PRKRIP1: variants seen among roughly 807,000 people sequenced by gnomAD.
The protein encoded by PRKRIP1 is PRKR interacting protein 1.
PRKRIP1 carries 29 observed loss-of-function variants against 29.3 expected under a neutral mutation model. That is an observed-to-expected ratio of 0.99 (90% CI 0.74 to 1.35). The LOEUF is 1.35. Among genes scored for constraint, PRKRIP1 ranks in the 40% most tolerant of loss-of-function variants. PRKRIP1 has a pLI of 0.00. For synonymous variants in PRKRIP1, 90 were observed against 85.1 expected, an observed-to-expected ratio of 1.06 and a Z score of -0.32; for missense variants, 247 against 236.8, an observed-to-expected ratio of 1.04 and a Z score of -0.28.
Position 102,416,814 on chromosome 7 carries a change from C to T in PRKRIP1, c.458-8200C>T, listed in dbSNP as rs118069827. Among the ~76,000 whole-genome samples, 117 of 151,536 alleles carry T rather than the reference C, an allele frequency of 7.7e-4. 1 individual carries two copies. In the East Asian group the frequency reaches 0.019, roughly 24 times the overall value. On this transcript the variant is annotated intron_variant, in intron 5 of 5. Transcript: ENST00000397912. ...CCTTCCTCAGCCTCCTGAGTAGCTG[C>T]AACTACAGATGCGCACCTCCACACC...
chr7:102,425,484 A>T lies in PRKRIP1; in HGVS notation c.*373A>T. 3.2e-6 allele frequency: 1 copy of T among 309,322 alleles called. No homozygotes were observed. Among genetic ancestry groups the T allele is most frequent in the Admixed American group, 5.1e-5 (1 of 19,580 alleles). 19.2% of individuals were successfully genotyped at this position (309,322 alleles called of 1,614,324 possible). A position where few individuals can be genotyped will look rare whatever the true frequency, so the allele number is the denominator to read the frequency against. ...GGGACATGTGGACCGTGAGTCGCAA[A>T]CACTCTGGAGAAGGCTGAGATGCCA... On this transcript the variant is annotated 3_prime_UTR_variant, in exon 6 of 6. Transcript: ENST00000397912.
intron 1 of PRKRIP1, 152 bp downstream of exon 1, chr7:102,396,689 AAGG>A: frequency 1.3e-6 from 1 of 778,752 alleles, no homozygotes; most frequent in South Asian, 1.9e-5. Flanking sequence ...GGAGGAGGAG[AAGG>A]AGGCTGTCCC....
At chr7:102,409,336 T>C (rs768432659) in intron 5 of PRKRIP1, among the ~76,000 whole-genome samples, 1 of 152,148 alleles carries the variant, frequency 6.6e-6, no homozygotes. Context: ...TAGGACCTCA[T>C]CTCTCAAATA....
chr7:102,403,164 C>T (rs1259914724), intron 3 of PRKRIP1, among the ~76,000 whole-genome samples: 8 of 152,122 alleles, frequency 5.3e-5, no homozygotes, highest in African/African-American at 1.7e-4. Flanking sequence ...AGTGAGCCAC[C>T]GCACCCGGAC....
At chr7:102,412,050 T>C (rs1796399687) in intron 5 of PRKRIP1, among the ~76,000 whole-genome samples, 1 of 151,812 alleles carries the variant, frequency 6.6e-6, no homozygotes, top group Non-Finnish European at 1.5e-5. Context: ...GCCCGGCTGA[T>C]TTTTGTGTTT....
intron 5 of PRKRIP1, among the ~76,000 whole-genome samples, chr7:102,419,424 A>G (rs1168516504): frequency 6.6e-6 from 1 of 152,130 alleles, no homozygotes; most frequent in Non-Finnish European, 1.5e-5. Context: ...AAAAAAAAAT[A>G]GCATAATTAA....
chr7:102,414,423 A>C (rs1167661753), intron 5 of PRKRIP1, among the ~76,000 whole-genome samples: 1 of 152,154 alleles, frequency 6.6e-6, no homozygotes, highest in Non-Finnish European at 1.5e-5. Flanking sequence ...TGCTTAATGA[A>C]GCAATTCCTT....
At chr7:102,421,828 A>T (rs1424089417) in intron 5 of PRKRIP1, among the ~76,000 whole-genome samples, 1 of 151,546 alleles carries the variant, frequency 6.6e-6, no homozygotes, top group Non-Finnish European at 1.5e-5. Context: ...GTAACCCTTT[A>T]ATCCAAACAC....
At chr7:102,418,884 C>T (rs549314490) in intron 5 of PRKRIP1, among the ~76,000 whole-genome samples, 2 of 151,804 alleles carry the variant, frequency 1.3e-5, no homozygotes, top group African/African-American at 2.4e-5. Flanking sequence ...AAATTTGAGA[C>T]GATGTTACAT....
chr7:102,414,984 G>A (rs1249877474), intron 5 of PRKRIP1, among the ~76,000 whole-genome samples: 1 of 152,130 alleles, frequency 6.6e-6, no homozygotes, highest in East Asian at 1.9e-4. Context: ...GAAATATATT[G>A]CAGGTTACTT....
chr7:102,416,099 G>GC (rs1796529105), intron 5 of PRKRIP1, among the ~76,000 whole-genome samples: 1 of 152,234 alleles, frequency 6.6e-6, no homozygotes, highest in African/African-American at 2.4e-5. Context: ...CCCGGCCCTA[G>GC]AAGTCGCCTT....
intron 5 of PRKRIP1, among the ~76,000 whole-genome samples, chr7:102,422,621 C>T (rs1222975091): frequency 6.6e-6 from 1 of 151,808 alleles, no homozygotes; most frequent in South Asian, 2.1e-4. Context: ...CGATTACAGG[C>T]GTGAGCCACC....
At chr7:102,399,296 C>G (rs1229927955) in intron 2 of PRKRIP1, among the ~76,000 whole-genome samples, 1 of 152,120 alleles carries the variant, frequency 6.6e-6, no homozygotes, top group Admixed American at 6.6e-5. Flanking sequence ...GTCACTTAAC[C>G]ACAGTCTGCC....
At chr7:102,397,871 C>T (rs56376556) in intron 2 of PRKRIP1, among the ~76,000 whole-genome samples, 173 bp downstream of exon 2, 4,516 of 152,010 alleles carry the variant, frequency 0.03, 103 homozygotes, top group Non-Finnish European at 0.047. Flanking sequence ...CGGTGAAACC[C>T]CGTCTCTACT....
intron 1 of PRKRIP1, 55 bp from the exon 2 acceptor site, chr7:102,397,565 A>G: frequency 1.4e-6 from 2 of 1,381,316 alleles, no homozygotes; most frequent in Non-Finnish European, 2.1e-6. Context: ...AGAGGGAGAT[A>G]TATAATTTTG....
chr7:102,405,524 G>C lies in PRKRIP1; in HGVS notation c.392+841G>C, dbSNP rs190577529. Among the ~76,000 whole-genome samples, 52 of 152,242 alleles carry C rather than the reference G, an allele frequency of 3.4e-4. 1 individual carries two copies. The highest frequency in any genetic ancestry group is 2.9e-5 in the Non-Finnish European group (2 of 68,030). On this transcript the variant is annotated intron_variant, in intron 4 of 5. Coordinates refer to ENST00000397912, the MANE Select transcript of PRKRIP1 (RefSeq NM_024653.4). ...GCAGGAGGATCGCTTGAGCCCAGGGGGCTGAGGCTGCAGTGAGTTATGATC... is the reference window on the plus strand; with the variant it reads ...GCAGGAGGATCGCTTGAGCCCAGGGCGCTGAGGCTGCAGTGAGTTATGATC...
intron 2 of PRKRIP1, among the ~76,000 whole-genome samples, chr7:102,399,083 C>G (rs1348913525): frequency 6.6e-6 from 1 of 152,212 alleles, no homozygotes; most frequent in Non-Finnish European, 1.5e-5. Context: ...GATTGCGCCA[C>G]TGCCCTCCAT....
chr7:102,403,692 G>A (rs1554571463), intron 3 of PRKRIP1, among the ~76,000 whole-genome samples: 1 of 152,128 alleles, frequency 6.6e-6, no homozygotes, highest in Non-Finnish European at 1.5e-5. Context: ...TTTCATTATT[G>A]TTCCTAACAG....
At chr7:102,420,377 C>T (rs190365775) in intron 5 of PRKRIP1, among the ~76,000 whole-genome samples, 1 of 152,206 alleles carries the variant, frequency 6.6e-6, no homozygotes, top group East Asian at 1.9e-4. Flanking sequence ...ACATCCTTCT[C>T]AGCACTTGGT....
Sources: allele counts gnomAD v4.1 joint callset (sites outside exome capture counted in the v4.1 genomes callset), GRCh38; gene constraint gnomAD v4.1.1; transcripts MANE v1.5; gene names NCBI Gene and HGNC (gene_info 2026-07-23, HGNC 2026-07-21).